DISP1: variants seen among roughly 807,000 people sequenced by gnomAD.
DISP1 encodes the protein dispatched RND transporter family member 1, also known as protein dispatched homolog 1.
In DISP1, 30 loss-of-function variants were observed where a neutral mutation model predicts 37.3. That is an observed-to-expected ratio of 0.80 (90% CI 0.60 to 1.09). The LOEUF is 1.09. DISP1 is among the 50% of genes least tolerant of loss of function. The pLI, the probability that DISP1 is intolerant of heterozygous loss-of-function variation, is 0.00. For synonymous variants in DISP1, 634 were observed against 690.2 expected, an observed-to-expected ratio of 0.92 and a Z score of 1.28; for missense variants, 1,598 against 1,879.5, an observed-to-expected ratio of 0.85 and a Z score of 2.77.
At chr1:222,961,779 G>A (rs61837493) in intron 3 of DISP1, among the ~76,000 whole-genome samples, 17,494 of 152,188 alleles carry the variant, frequency 0.11, 1,044 homozygotes, top group East Asian at 0.27. Flanking sequence ...AGGCCGAGGC[G>A]GGTGGATCAC....
intron 3 of DISP1, among the ~76,000 whole-genome samples, chr1:222,948,350 C>G (rs1054765710): frequency 2.6e-5 from 4 of 152,192 alleles, no homozygotes; most frequent in Admixed American, 2.0e-4. Flanking sequence ...GAGTGAGATG[C>G]TATCTCGTCC....
intron 1 of DISP1, among the ~76,000 whole-genome samples, chr1:222,848,729 G>A (rs546018737): frequency 7.4e-4 from 113 of 152,098 alleles, no homozygotes; most frequent in African/African-American, 2.6e-3. Context: ...AGGCTAGTTG[G>A]GGAAACAGAC....
chr1:222,817,326 T>A (rs1000924993), intron 1 of DISP1, among the ~76,000 whole-genome samples: 2 of 152,230 alleles, frequency 1.3e-5, no homozygotes, highest in Admixed American at 1.3e-4. Flanking sequence ...GGAAGAACTA[T>A]CAAAATAGTG....
chr1:222,819,376 A>G (rs902803693), intron 1 of DISP1, among the ~76,000 whole-genome samples: 5 of 152,096 alleles, frequency 3.3e-5, no homozygotes, highest in African/African-American at 1.2e-4. Flanking sequence ...TAGCCCAGTT[A>G]CTTTTTAAGG....
intron 1 of DISP1, among the ~76,000 whole-genome samples, chr1:222,838,384 G>T (rs1352166526): frequency 2.0e-5 from 3 of 151,868 alleles, no homozygotes; most frequent in Admixed American, 6.6e-5. Flanking sequence ...CCTGGATTTT[G>T]ATTTTCTAAT....
chr1:222,929,909 T>C (rs899959671), intron 2 of DISP1, among the ~76,000 whole-genome samples: 4 of 152,180 alleles, frequency 2.6e-5, no homozygotes, highest in Non-Finnish European at 5.9e-5. Context: ...CTATGCTTCA[T>C]ATAGCTCACA....
At chr1:222,885,567 C>T (rs1558311392) in intron 1 of DISP1, among the ~76,000 whole-genome samples, 2 of 151,382 alleles carry the variant, frequency 1.3e-5, no homozygotes, top group Non-Finnish European at 1.5e-5. Context: ...CTCCTGGGCT[C>T]AAGTGATCCT....
chr1:222,952,859 A>AAC (rs201224224), intron 3 of DISP1, among the ~76,000 whole-genome samples: 2,587 of 152,190 alleles, frequency 0.017, 69 homozygotes, highest in South Asian at 0.11. Context: ...AAAACAAACA[A>AAC]ACAAACAAAC....
chr1:222,912,043 G>C (rs73128668), intron 1 of DISP1, among the ~76,000 whole-genome samples: 2,707 of 152,300 alleles, frequency 0.018, 91 homozygotes, highest in African/African-American at 0.061. Context: ...GCACTCATGT[G>C]ATCTTTGACC....
intron 1 of DISP1, among the ~76,000 whole-genome samples, chr1:222,906,856 G>T (rs891343641): frequency 6.6e-6 from 1 of 152,008 alleles, no homozygotes; most frequent in Non-Finnish European, 1.5e-5. Context: ...TTGTGGATTC[G>T]CCTCTAATTC....
intron 1 of DISP1, among the ~76,000 whole-genome samples, chr1:222,828,631 G>A (rs532612140): frequency 3.9e-5 from 6 of 151,938 alleles, no homozygotes; most frequent in Non-Finnish European, 8.8e-5. Flanking sequence ...TCTCCATTTC[G>A]TACAGGCCCT....
chr1:222,919,915 A>T (rs997402390), intron 1 of DISP1, among the ~76,000 whole-genome samples: 9 of 152,124 alleles, frequency 5.9e-5, no homozygotes, highest in Non-Finnish European at 1.0e-4. Context: ...ACTTCATTTT[A>T]TTTTTGGGAA....
At chr1:222,919,478 G>C (rs1672693899) in intron 1 of DISP1, among the ~76,000 whole-genome samples, 1 of 152,182 alleles carries the variant, frequency 6.6e-6, no homozygotes, top group Non-Finnish European at 1.5e-5. Context: ...GGCTGTAGAA[G>C]CTCAGGGCTG....
At chr1:222,816,260 C>T (rs1485565362) in intron 1 of DISP1, among the ~76,000 whole-genome samples, 2 of 151,852 alleles carry the variant, frequency 1.3e-5, no homozygotes, top group Non-Finnish European at 2.9e-5. Context: ...TATTATTTAC[C>T]TTGCATTTAT....
chr1:222,951,840 G>A (rs1475257681), intron 3 of DISP1, among the ~76,000 whole-genome samples: 1 of 152,174 alleles, frequency 6.6e-6, no homozygotes, highest in Non-Finnish European at 1.5e-5. Context: ...TAGATAGATT[G>A]CCATCTTTGA....
At chr1:222,892,000 G>A (rs1670970677) in intron 1 of DISP1, among the ~76,000 whole-genome samples, 1 of 151,900 alleles carries the variant, frequency 6.6e-6, no homozygotes, top group Non-Finnish European at 1.5e-5. Flanking sequence ...ATGGGGGTGG[G>A]GAGAGGAGAG....
rs189501953 is a variant in DISP1 at position 222,821,159 on chromosome 1, G to T, written c.-159+6081G>T. Among the ~76,000 whole-genome samples the T allele has an allele frequency of 2.3e-3, 348 of 152,240 alleles. 1 individual carries two copies. Among genetic ancestry groups the T allele is most frequent in the Admixed American group, 7.1e-3 (109 of 15,296 alleles). On this transcript the variant is annotated intron_variant, in intron 1 of 8. Transcript: ENST00000675850. ...CACCTTTTGGCTGTATTTCATTGCA[G>T]ATTCCATCTCTTCAAACTGAAGTGA...
chr1:222,929,386 A>G (rs1673257570), intron 2 of DISP1, among the ~76,000 whole-genome samples: 1 of 152,284 alleles, frequency 6.6e-6, no homozygotes, highest in South Asian at 2.1e-4. Flanking sequence ...AAAAAATTAA[A>G]CAGAGAAATT....
intron 2 of DISP1, among the ~76,000 whole-genome samples, chr1:222,932,199 G>A (rs1221606250): frequency 6.6e-6 from 1 of 151,782 alleles, no homozygotes; most frequent in Non-Finnish European, 1.5e-5. Flanking sequence ...TAAATCAGTG[G>A]CTCTCAGCTC....
Sources: allele counts gnomAD v4.1 joint callset (sites outside exome capture counted in the v4.1 genomes callset), GRCh38; gene constraint gnomAD v4.1.1; transcripts MANE v1.5; gene names NCBI Gene and HGNC (gene_info 2026-07-23, HGNC 2026-07-21).